GLRB: variants seen among roughly 807,000 people sequenced by gnomAD.
The protein encoded by GLRB is glycine receptor beta, also known as glycine receptor subunit beta.
Under a neutral mutation model 54.2 loss-of-function variants are expected in GLRB, and 33 were observed. The observed-to-expected ratio is 0.61, with a 90% confidence interval of 0.46 to 0.81. The LOEUF (loss-of-function observed/expected upper bound fraction) is 0.81, where lower values mean the gene tolerates loss of function less well. Ranked by LOEUF, GLRB falls within the 40% of genes least tolerant of loss-of-function variation. GLRB has a pLI of 0.00. For synonymous variants in GLRB, 209 were observed against 208.2 expected (o/e 1.00, Z -0.03); for missense variants, 572 against 584.6 (o/e 0.98, Z 0.22).
chr4:157,140,138 CAG>C (rs923300447), intron 7 of GLRB, among the ~76,000 whole-genome samples: 4 of 151,776 alleles, frequency 2.6e-5, no homozygotes, highest in African/African-American at 7.3e-5. Flanking sequence ...ATTAGGAAAA[CAG>C]AGATAATAGT....
At chr4:157,110,394 C>T (rs1222800928) in intron 2 of GLRB, among the ~76,000 whole-genome samples, 1 of 151,662 alleles carries the variant, frequency 6.6e-6, no homozygotes, top group Non-Finnish European at 1.5e-5. Context: ...TATGTTTGCT[C>T]ATTCTTTCTT....
rs1735250660 is a variant in GLRB, at chr4:157,107,003, A to C, written c.123-13553A>C. The stretch of plus-strand genomic sequence containing the variant: ...TGTGTCATGTTTTGGTAATTCTCAC[A>C]ATATTTCAATCTTATGATTATTATT... On this transcript the variant is annotated intron_variant, in intron 2 of 9. Transcript: ENST00000264428. 2.0e-5 allele frequency among the ~76,000 whole-genome samples: 3 copies of C among 152,024 alleles called. No individual in the cohort carries two copies. In the South Asian group the frequency reaches 6.2e-4, roughly 31 times the overall value.
At chr4:157,125,402 A>C (rs1462964151) in intron 4 of GLRB, among the ~76,000 whole-genome samples, 1 of 151,836 alleles carries the variant, frequency 6.6e-6, no homozygotes, top group Non-Finnish European at 1.5e-5. Flanking sequence ...GTGTTACTAA[A>C]GGGAGGGAAT....
Position 157,086,797 on chromosome 4 carries a change from C to T in GLRB, c.122+8651C>T, listed in dbSNP as rs115442087. Among the ~76,000 whole-genome samples, 906 of 152,196 alleles carry T rather than the reference C, an allele frequency of 6.0e-3. 9 individuals are homozygous for T. The highest frequency in any genetic ancestry group is 0.021 in the African/African-American group (869 of 41,532). ...ACTGAACATAGCTTGGGTAGGGACA[C>T]GACCCAAATAACATCAATGGGAAGT... On this transcript the variant is annotated intron_variant, in intron 2 of 9. Transcript: ENST00000264428.
At chr4:157,137,651 A>G (rs1295638260) in intron 6 of GLRB, among the ~76,000 whole-genome samples, 1 of 152,172 alleles carries the variant, frequency 6.6e-6, no homozygotes, top group Non-Finnish European at 1.5e-5. Flanking sequence ...TTTTTAAATA[A>G]TGTACCGAAA....
At chr4:157,161,826 G>A (rs1015740388) in intron 9 of GLRB, among the ~76,000 whole-genome samples, 12 of 152,100 alleles carry the variant, frequency 7.9e-5, no homozygotes, top group South Asian at 2.1e-4. Flanking sequence ...TGCTCTTCTC[G>A]TGGAGTATCT....
intron 7 of GLRB, among the ~76,000 whole-genome samples, chr4:157,140,770 A>T (rs1044086701): frequency 1.3e-5 from 2 of 151,918 alleles, no homozygotes; most frequent in African/African-American, 2.4e-5. Context: ...TCCAGATTAT[A>T]TGCTTAACAT....
chr4:157,104,902 C>A (rs1309267304), intron 2 of GLRB, among the ~76,000 whole-genome samples: 1 of 150,252 alleles, frequency 6.7e-6, no homozygotes, highest in Non-Finnish European at 1.5e-5. Context: ...GTTGTAATGC[C>A]CCTTCTTTCA....
chr4:157,077,799 A>G (rs1344803691), intron 1 of GLRB, among the ~76,000 whole-genome samples, 197 bp from the exon 2 acceptor site: 1 of 151,516 alleles, frequency 6.6e-6, no homozygotes, highest in Admixed American at 6.6e-5. Context: ...TTACTGCTAT[A>G]TAAAAAAGAC....
At chr4:157,145,559 AG>A (rs1370887541) in intron 8 of GLRB, among the ~76,000 whole-genome samples, 1 of 152,200 alleles carries the variant, frequency 6.6e-6, no homozygotes, top group Non-Finnish European at 1.5e-5. Flanking sequence ...GTTATGTGTT[AG>A]GTACTATTAA....
At position 157,143,816 on chromosome 4, in the gene GLRB, C is replaced by G; in HGVS notation, c.761C>G (p.Thr254Arg). The stretch of plus-strand genomic sequence containing the variant: ...TGTTTGCTTCTGAAAGGCTACTACA[C>G]ATGCGTGGAAGTCATCTTCACCCTG... ...TKYYKGTGYYTCVEVIFTLRR... is the reference protein window; with the variant it reads ...TKYYKGTGYYRCVEVIFTLRR... The change falls in exon 8 of 10, where the codon ACA becomes AGA. Residue 254 changes from threonine to arginine, a missense_variant. By Grantham distance (71) the Thr-to-Arg change is moderately conservative. Coordinates refer to ENST00000264428, the MANE Select transcript of GLRB (RefSeq NM_000824.5). 6.2e-7 allele frequency: 1 copy of G among 1,613,250 alleles called. No individual in the cohort carries two copies. Among genetic ancestry groups the G allele is most frequent in the Non-Finnish European group, 8.5e-7 (1 of 1,179,844 alleles).
chr4:157,130,289 T>A (rs1488732057), intron 4 of GLRB, among the ~76,000 whole-genome samples: 1 of 151,646 alleles, frequency 6.6e-6, no homozygotes, highest in Non-Finnish European at 1.5e-5. Flanking sequence ...TGTTTGTTTG[T>A]TTGTTTTTGT....
At chr4:157,139,341 GT>G (rs1579232091) in intron 7 of GLRB, among the ~76,000 whole-genome samples, 1 of 152,054 alleles carries the variant, frequency 6.6e-6, no homozygotes, top group African/African-American at 2.4e-5. Flanking sequence ...CTTTTGGGTA[GT>G]TTTTAGATGG....
In GLRB at chr4:157,082,964, T is replaced by TTATATATATATA. The variant is rs58330518; in HGVS notation, c.122+4833_122+4844dup. On this transcript the variant is annotated intron_variant, in intron 2 of 9. Transcript: ENST00000264428. Reference sequence around the variant, plus strand: ...AATTATCAGACAAATGAATAGTGTTTTATATATATATATATATATATATAT... The same window carrying TTATATATATATA: ...AATTATCAGACAAATGAATAGTGTTTTATATATATATATATATATATATATATATATATATAT... Among the ~76,000 whole-genome samples the TTATATATATATA allele has an allele frequency of 7.6e-3, 1,063 of 139,574 alleles. 3 individuals carry two copies. Among genetic ancestry groups the TTATATATATATA allele is most frequent in the African/African-American group, 0.019 (716 of 38,184 alleles). 91.6% of individuals were successfully genotyped at this position (139,574 alleles called of 152,430 possible).
chr4:157,148,047 T>C (rs1736882320), intron 8 of GLRB, among the ~76,000 whole-genome samples: 1 of 152,186 alleles, frequency 6.6e-6, no homozygotes, highest in South Asian at 2.1e-4. Context: ...GCAGAGTATA[T>C]GGACACAAAG....
At chr4:157,129,887 G>T (rs1736149492) in intron 4 of GLRB, among the ~76,000 whole-genome samples, 1 of 151,560 alleles carries the variant, frequency 6.6e-6, no homozygotes, top group South Asian at 2.1e-4. Flanking sequence ...CAAAATAATT[G>T]TAGGTAGATC....
intron 9 of GLRB, among the ~76,000 whole-genome samples, chr4:157,156,028 A>G (rs1560973782): frequency 6.6e-6 from 1 of 152,156 alleles, no homozygotes; most frequent in Admixed American, 6.6e-5. Context: ...CCTTGTATAA[A>G]ATGTGAAACT....
chr4:157,077,309 A>C (rs1579174954), intron 1 of GLRB, among the ~76,000 whole-genome samples: 1 of 152,154 alleles, frequency 6.6e-6, no homozygotes, highest in African/African-American at 2.4e-5. Flanking sequence ...TTTCTGAAGT[A>C]ATCTTTTTGA....
intron 8 of GLRB, among the ~76,000 whole-genome samples, chr4:157,150,105 C>T (rs1736963127): frequency 6.6e-6 from 1 of 151,938 alleles, no homozygotes; most frequent in Admixed American, 6.6e-5. Flanking sequence ...ATAACTTCAA[C>T]CCTGACTTGT....
Sources: gnomAD v4.1 joint callset for allele counts (sites outside exome capture counted in the v4.1 genomes callset) on GRCh38, gnomAD v4.1.1 for gene constraint, MANE v1.5 for transcripts, NCBI Gene and HGNC (gene_info 2026-07-23, HGNC 2026-07-21) for gene names.